The following CDK19 variants were observed in gnomAD, a reference collection of about 807,000 sequenced individuals.
The protein encoded by CDK19 is cyclin-dependent kinase 19.
In CDK19, 20 loss-of-function variants were observed where a neutral mutation model predicts 68.3. The observed-to-expected ratio is 0.29, with a 90% CI of 0.21 to 0.43. The LOEUF (loss-of-function observed/expected upper bound fraction) is 0.43. Among genes scored for constraint, CDK19 ranks in the 20% least tolerant of loss-of-function variants. The probability of loss-of-function intolerance (pLI) is 1.00; values close to 1 mark genes in which losing one functional copy is unlikely to be tolerated. For missense variants in CDK19, 339 were observed against 623.5 expected (o/e 0.54, Z 4.86); for synonymous variants, 221 against 222.8 (o/e 0.99, Z 0.07).
chr6:110,739,503 T>A (rs1459535435), intron 2 of CDK19, among the ~76,000 whole-genome samples: 6 of 152,076 alleles, frequency 3.9e-5, no homozygotes, highest in Non-Finnish European at 5.9e-5. Flanking sequence ...CTAAGACACC[T>A]CCTCAACCTA....
At chr6:110,791,154 G>C (rs964911043) in intron 1 of CDK19, among the ~76,000 whole-genome samples, 11 of 149,346 alleles carry the variant, frequency 7.4e-5, no homozygotes, top group South Asian at 2.1e-4. Flanking sequence ...CTGGACGACA[G>C]AGTGAGACTC....
intron 1 of CDK19, among the ~76,000 whole-genome samples, chr6:110,749,471 C>T (rs796100558): frequency 6.6e-6 from 1 of 152,034 alleles, no homozygotes; most frequent in African/African-American, 2.4e-5. Flanking sequence ...GATGATCCTC[C>T]CACTTCACCC....
intron 1 of CDK19, among the ~76,000 whole-genome samples, chr6:110,804,681 C>A (rs972129114): frequency 6.7e-6 from 1 of 148,824 alleles, no homozygotes; most frequent in Admixed American, 6.7e-5. Flanking sequence ...TGTTGCCGGG[C>A]GCGGTGGCTC....
intron 4 of CDK19, among the ~76,000 whole-genome samples, chr6:110,650,380 A>G (rs1322390674): frequency 6.6e-6 from 1 of 152,314 alleles, no homozygotes; most frequent in South Asian, 2.1e-4. Context: ...TCTCTTATGC[A>G]TGCTACTGGT....
At chr6:110,744,352 T>C (rs1228668502) in intron 2 of CDK19, among the ~76,000 whole-genome samples, 3 of 151,862 alleles carry the variant, frequency 2.0e-5, no homozygotes, top group Non-Finnish European at 4.4e-5. Context: ...CAAATTAGAA[T>C]TTTTTCAAAC....
intron 12 of CDK19, among the ~76,000 whole-genome samples, chr6:110,617,236 C>A (rs1193347511): frequency 6.6e-6 from 1 of 152,170 alleles, no homozygotes; most frequent in Non-Finnish European, 1.5e-5. Context: ...CTTCCCCCTA[C>A]CTTTCTGTGT....
intron 1 of CDK19, among the ~76,000 whole-genome samples, chr6:110,795,193 A>C (rs1781859090): frequency 6.6e-6 from 1 of 152,042 alleles, no homozygotes; most frequent in Non-Finnish European, 1.5e-5. Flanking sequence ...CTAGTCTGGA[A>C]CTCCTGGACT....
chr6:110,674,840 T>G (rs1361527359), intron 2 of CDK19, among the ~76,000 whole-genome samples: 2 of 150,674 alleles, frequency 1.3e-5, no homozygotes, highest in Non-Finnish European at 3.0e-5. Context: ...AGGCAGAGGT[T>G]GCAGTGAGCT....
At chr6:110,727,686 G>A (rs775706005) in intron 2 of CDK19, among the ~76,000 whole-genome samples, 1 of 151,924 alleles carries the variant, frequency 6.6e-6, no homozygotes, top group Non-Finnish European at 1.5e-5. Context: ...CAAGAAGAGC[G>A]ACTGGGCCAG....
At chr6:110,639,545 G>A (rs1237089796) in intron 4 of CDK19, among the ~76,000 whole-genome samples, 2 of 152,172 alleles carry the variant, frequency 1.3e-5, no homozygotes, top group African/African-American at 2.4e-5. Context: ...ACCTCCAGAC[G>A]CTTACTACAT....
At chr6:110,670,119 T>C (rs1770872159) in intron 3 of CDK19, among the ~76,000 whole-genome samples, 1 of 152,090 alleles carries the variant, frequency 6.6e-6, no homozygotes, top group South Asian at 2.1e-4. Context: ...ATCGTGCCAC[T>C]GCACTCCAGC....
intron 2 of CDK19, among the ~76,000 whole-genome samples, chr6:110,729,181 G>C (rs1196815167): frequency 2.0e-5 from 3 of 152,088 alleles, no homozygotes; most frequent in Admixed American, 6.6e-5. Flanking sequence ...AAAAGAGCTA[G>C]GACAGGAACC....
At chr6:110,728,567 A>G in intron 2 of CDK19, among the ~76,000 whole-genome samples, 1 of 142,904 alleles carries the variant, frequency 7.0e-6, no homozygotes. Context: ...CCATAGTCAG[A>G]GTGGTAAAAA....
At chr6:110,807,750 C>T (rs1413196737) in intron 1 of CDK19, among the ~76,000 whole-genome samples, 2 of 151,958 alleles carry the variant, frequency 1.3e-5, no homozygotes, top group Non-Finnish European at 2.9e-5. Flanking sequence ...CATAAGCCAC[C>T]GCGCCCAGCC....
chr6:110,689,398 T>C (rs1772781472), intron 2 of CDK19, among the ~76,000 whole-genome samples: 1 of 151,986 alleles, frequency 6.6e-6, no homozygotes, highest in African/African-American at 2.4e-5. Context: ...TCAGAGTACC[T>C]CCCCTGGGTA....
chr6:110,642,332 G>T (rs1003619473), intron 4 of CDK19, among the ~76,000 whole-genome samples: 1 of 147,038 alleles, frequency 6.8e-6, no homozygotes, highest in Non-Finnish European at 1.5e-5. Flanking sequence ...AAAAAAAAGG[G>T]TTCAAGACTT....
intron 4 of CDK19, among the ~76,000 whole-genome samples, 195 bp downstream of exon 4, chr6:110,667,239 G>A (rs190931760): frequency 6.6e-6 from 1 of 152,262 alleles, no homozygotes; most frequent in Non-Finnish European, 1.5e-5. Context: ...ATAATGGAAT[G>A]ATACCCACCA....
intron 4 of CDK19, among the ~76,000 whole-genome samples, chr6:110,655,624 C>T (rs918999346): frequency 2.0e-5 from 3 of 152,052 alleles, no homozygotes; most frequent in Admixed American, 6.6e-5. Context: ...CTCTTTTCTC[C>T]CTCAAATCTA....
intron 1 of CDK19, among the ~76,000 whole-genome samples, chr6:110,747,908 T>C (rs1163270770): frequency 6.6e-6 from 1 of 152,234 alleles, no homozygotes; most frequent in Admixed American, 6.5e-5. Context: ...GTGCCTTAAA[T>C]GTATTTGTGG....
Sources: allele counts gnomAD v4.1 joint callset (sites outside exome capture counted in the v4.1 genomes callset), GRCh38; gene constraint gnomAD v4.1.1; transcripts MANE v1.5; gene names NCBI Gene and HGNC (gene_info 2026-07-23, HGNC 2026-07-21).